Variants in QNG1 observed in about 807,000 individuals in gnomAD.
QNG1 encodes the protein queuosine 5'-phosphate N-glycosylase/hydrolase.
At chr9:83,945,783 T>A in the QNG1 span, among the ~76,000 whole-genome samples, 1 of 151,836 alleles carries the variant, frequency 6.6e-6, no homozygotes, top group South Asian at 2.1e-4. Flanking sequence ...TGAATTTTTT[T>A]AGAAGAGACG....
the QNG1 span, among the ~76,000 whole-genome samples, chr9:83,954,409 T>C: frequency 3.3e-5 from 5 of 152,088 alleles, no homozygotes; most frequent in Non-Finnish European, 7.4e-5. Context: ...TGAAACTCCA[T>C]CTCTACTAAA....
At chr9:83,947,926 G>A in the QNG1 span, among the ~76,000 whole-genome samples, 5 of 152,164 alleles carry the variant, frequency 3.3e-5, no homozygotes, top group South Asian at 6.2e-4. Flanking sequence ...GCCTCTGCCC[G>A]GCCGCCACCC....
At chr9:83,954,351 AAAGG>A in the QNG1 span, among the ~76,000 whole-genome samples, 1 of 152,190 alleles carries the variant, frequency 6.6e-6, no homozygotes, top group African/African-American at 2.4e-5. Context: ...AAAGGAAAAA[AAAGG>A]AAGTAAAGAA....
the QNG1 span, chr9:83,939,833 A>T: frequency 1.2e-6 from 1 of 829,936 alleles, no homozygotes; most frequent in South Asian, 1.5e-5. Context: ...GAGTATTTAA[A>T]TGGTACTCAT....
At chr9:83,947,275 A>G in the QNG1 span, among the ~76,000 whole-genome samples, 4 of 152,232 alleles carry the variant, frequency 2.6e-5, no homozygotes, top group Non-Finnish European at 5.9e-5. Flanking sequence ...TGTAAATGAC[A>G]TAAACAAATA....
chr9:83,949,902 C>T, the QNG1 span, among the ~76,000 whole-genome samples: 1 of 151,282 alleles, frequency 6.6e-6, no homozygotes, highest in African/African-American at 2.4e-5. Context: ...TGTAAATTAT[C>T]ATGTCACTGC....
At chr9:83,946,758 C>T in the QNG1 span, among the ~76,000 whole-genome samples, 2 of 152,154 alleles carry the variant, frequency 1.3e-5, no homozygotes, top group East Asian at 3.8e-4. Context: ...AACCACCACA[C>T]CTGGCTAATT....
chr9:83,950,996 G>A, the QNG1 span, among the ~76,000 whole-genome samples: 3 of 152,174 alleles, frequency 2.0e-5, no homozygotes, highest in African/African-American at 7.2e-5. Context: ...GGCCAAGTGC[G>A]GTAGCTCATG....
chr9:83,954,236 C>A, the QNG1 span, among the ~76,000 whole-genome samples: 1 of 151,974 alleles, frequency 6.6e-6, no homozygotes, highest in African/African-American at 2.4e-5. Context: ...ACATTCTGAT[C>A]TTCAACCAAT....
the QNG1 span, among the ~76,000 whole-genome samples, chr9:83,942,993 C>T: frequency 1.3e-5 from 2 of 152,074 alleles, no homozygotes; most frequent in Non-Finnish European, 2.9e-5. Context: ...ATGGACAAAT[C>T]ACTATAAGTG....
chr9:83,956,213 GTAT>G, the QNG1 span: 2 of 1,613,694 alleles, frequency 1.2e-6, no homozygotes, highest in South Asian at 2.2e-5. Flanking sequence ...AGTACCCACT[GTAT>G]GTTTTCCCTC....
the QNG1 span, chr9:83,956,414 C>T: frequency 6.3e-7 from 1 of 1,587,536 alleles, no homozygotes; most frequent in East Asian, 2.2e-5. Flanking sequence ...CTGCCACCCT[C>T]CGTACGCCTC....
the QNG1 span, chr9:83,953,618 T>C: frequency 1.8e-6 from 1 of 549,486 alleles, no homozygotes; most frequent in Non-Finnish European, 3.3e-6. Flanking sequence ...AGTGCTGGGA[T>C]TACAGGTGTG....
the QNG1 span, among the ~76,000 whole-genome samples, chr9:83,954,879 C>CAA: frequency 4.3e-3 from 201 of 46,700 alleles, no homozygotes; most frequent in Non-Finnish European, 6.3e-3. Flanking sequence ...GAGTCCATCT[C>CAA]AAAAAAAAAA....
the QNG1 span, among the ~76,000 whole-genome samples, chr9:83,940,826 C>T: frequency 1.3e-5 from 2 of 152,182 alleles, no homozygotes; most frequent in Non-Finnish European, 1.5e-5. Context: ...TATCTTGTGA[C>T]CTTAAGTAGT....
chr9:83,939,666 C>A, the QNG1 span: 5 of 1,614,176 alleles, frequency 3.1e-6, no homozygotes, highest in East Asian at 1.1e-4. Context: ...AGAAGACAAT[C>A]CCGGATCAGC....
chr9:83,950,486 A>G, the QNG1 span, among the ~76,000 whole-genome samples: 1 of 152,122 alleles, frequency 6.6e-6, no homozygotes. Context: ...AATTGCTTAC[A>G]TGTTTCATGA....
chr9:83,948,854 C>T, the QNG1 span, among the ~76,000 whole-genome samples: 1 of 152,098 alleles, frequency 6.6e-6, no homozygotes, highest in Non-Finnish European at 1.5e-5. Flanking sequence ...GGATAAAGGG[C>T]GGTGCAAGAT....
the QNG1 span, among the ~76,000 whole-genome samples, chr9:83,951,780 C>G: frequency 6.6e-6 from 1 of 152,052 alleles, no homozygotes; most frequent in Non-Finnish European, 1.5e-5. Context: ...ATTCATCAGG[C>G]TCTTTGAGGG....
Sources: allele counts gnomAD v4.1 joint callset (sites outside exome capture counted in the v4.1 genomes callset), GRCh38; gene constraint gnomAD v4.1.1; transcripts MANE v1.5; gene names NCBI Gene and HGNC (gene_info 2026-07-23, HGNC 2026-07-21).